Variants in CCSER1 observed in about 807,000 individuals in gnomAD.
CCSER1 encodes the protein serine-rich coiled-coil domain-containing protein 1.
In CCSER1, 41 loss-of-function variants were observed where a neutral mutation model predicts 82.0. The observed-to-expected ratio is 0.50, with a 90% CI of 0.39 to 0.65. The LOEUF is 0.65. Among genes scored for constraint, CCSER1 ranks in the 30% least tolerant of loss-of-function variants. The pLI is 0.00. For synonymous variants in CCSER1, 414 were observed against 383.9 expected (o/e 1.08, Z -0.92); for missense variants, 1,119 against 1,064.2 (o/e 1.05, Z -0.72).
At chr4:91,180,528 C>T (rs1733917974) in intron 10 of CCSER1, among the ~76,000 whole-genome samples, 1 of 152,220 alleles carries the variant, frequency 6.6e-6, no homozygotes, top group Admixed American at 6.5e-5. Context: ...CCTTCCCCAG[C>T]CTGGCTGCTG....
chr4:91,276,029 G>A (rs1189206818), intron 10 of CCSER1, among the ~76,000 whole-genome samples: 1 of 151,924 alleles, frequency 6.6e-6, no homozygotes, highest in East Asian at 1.9e-4. Flanking sequence ...TCTTGTTTTT[G>A]TACCAATACC....
At chr4:90,548,606 G>A (rs1302015190) in intron 5 of CCSER1, among the ~76,000 whole-genome samples, 4 of 151,902 alleles carry the variant, frequency 2.6e-5, no homozygotes, top group Admixed American at 1.3e-4. Flanking sequence ...CTAGTATGAC[G>A]TGTCTCCTAG....
At chr4:90,648,284 GGAAA>G (rs564907502) in intron 6 of CCSER1, among the ~76,000 whole-genome samples, 12,777 of 89,504 alleles carry the variant, frequency 0.14, 768 homozygotes, top group South Asian at 0.17. Flanking sequence ...GAGAAAGAAA[GGAAA>G]GAAAGAAAGA....
Position 91,010,829 on chromosome 4 carries a change from A to G in CCSER1, c.2173-75121A>G, listed in dbSNP as rs113438667. On this transcript the variant is annotated intron_variant, in intron 9 of 10. Coordinates refer to ENST00000509176, the MANE Select transcript of CCSER1 (RefSeq NM_001145065.2). Reference sequence around the variant, plus strand: ...GATAATGAATTGTTTTCTGGATTTCATTAAATTGTTTATCTGTACTCTCTT... The same window carrying G: ...GATAATGAATTGTTTTCTGGATTTCGTTAAATTGTTTATCTGTACTCTCTT... 2.7e-4 allele frequency among the ~76,000 whole-genome samples: 36 copies of G among 134,220 alleles called. 10 individuals carry two copies. Among genetic ancestry groups the G allele is most frequent in the Non-Finnish European group, 6.1e-4 (35 of 57,844 alleles). 88.1% of individuals were successfully genotyped at this position (134,220 alleles called of 152,430 possible). A position where few individuals can be genotyped will look rare whatever the true frequency, so the allele number is the denominator to read the frequency against.
At chr4:90,691,778 G>A (rs1187211673) in intron 6 of CCSER1, among the ~76,000 whole-genome samples, 4 of 151,464 alleles carry the variant, frequency 2.6e-5, no homozygotes, top group African/African-American at 9.7e-5. Flanking sequence ...CAGGGGTTTG[G>A]CATACGGATT....
At chr4:91,259,331 C>G (rs895532270) in intron 10 of CCSER1, among the ~76,000 whole-genome samples, 6 of 152,080 alleles carry the variant, frequency 3.9e-5, no homozygotes, top group African/African-American at 1.4e-4. Flanking sequence ...TATTTGTTCT[C>G]AAAGCATTAG....
chr4:91,511,591 A>G (rs1759828486), intron 10 of CCSER1, among the ~76,000 whole-genome samples: 1 of 152,110 alleles, frequency 6.6e-6, no homozygotes, highest in South Asian at 2.1e-4. Context: ...CATCACTCAT[A>G]TTACTGCCTG....
rs895600509 is a variant in CCSER1 at position 91,482,000 on chromosome 4, G to A, written c.2218-116572G>A. Among the ~76,000 whole-genome samples, 6 of 152,270 alleles carry A rather than the reference G, an allele frequency of 3.9e-5. 1 individual carries two copies. In the Middle Eastern group the frequency reaches 0.02, roughly 518 times the overall value. On this transcript the variant is annotated intron_variant, in intron 10 of 10. Coordinates refer to ENST00000509176, the MANE Select transcript of CCSER1 (RefSeq NM_001145065.2). ...CTTCTCAAAAGAAGACATTTATGCA[G>A]CCAGCAGACACATGAAAAAATGCTC...
chr4:91,497,510 T>C (rs1358422543), intron 10 of CCSER1, among the ~76,000 whole-genome samples: 1 of 151,850 alleles, frequency 6.6e-6, no homozygotes, highest in African/African-American at 2.4e-5. Context: ...TAACATTTCA[T>C]ATAAAAGAGC....
intron 10 of CCSER1, among the ~76,000 whole-genome samples, chr4:91,476,400 T>A (rs1757598099): frequency 6.6e-6 from 1 of 151,750 alleles, no homozygotes; most frequent in Admixed American, 6.6e-5. Flanking sequence ...ATGTTGAGCA[T>A]TTTTTCATAT....
intron 5 of CCSER1, among the ~76,000 whole-genome samples, chr4:90,540,732 G>T (rs1317511411): frequency 2.6e-5 from 4 of 152,016 alleles, no homozygotes; most frequent in Non-Finnish European, 2.9e-5. Context: ...CCAGACCTGG[G>T]TTTCAACACC....
In CCSER1 at chr4:91,420,502, G is replaced by A. The variant is rs1006113459; in HGVS notation, c.2218-178070G>A. Among the ~76,000 whole-genome samples, 5 of 151,938 alleles carry A rather than the reference G, an allele frequency of 3.3e-5. No individual in the cohort carries two copies. The East Asian group carries it at 5.8e-4, about 18-fold the overall frequency. ...AAATCACAATGAGATATTACTTCAC[G>A]TCTCTTAGAATGGCTTTTGTTAAAA... On this transcript the variant is annotated intron_variant, in intron 10 of 10. Transcript: ENST00000509176.
chr4:91,457,534 G>C, intron 10 of CCSER1, among the ~76,000 whole-genome samples: 1 of 152,140 alleles, frequency 6.6e-6, no homozygotes, highest in Non-Finnish European at 1.5e-5. Context: ...GTCATGTGTG[G>C]TGGCGCATGC....
intron 10 of CCSER1, among the ~76,000 whole-genome samples, chr4:91,576,356 C>T (rs963141050): frequency 1.3e-5 from 2 of 151,900 alleles, no homozygotes; most frequent in Admixed American, 6.6e-5. Flanking sequence ...AAGTCCAACT[C>T]ATAAAAACAG....
chr4:90,616,900 C>T (rs1030638601), intron 5 of CCSER1, among the ~76,000 whole-genome samples: 4 of 152,080 alleles, frequency 2.6e-5, no homozygotes, highest in African/African-American at 4.8e-5. Context: ...TCGAGGATTT[C>T]GCCAAGTGGC....
In CCSER1 at chr4:90,517,669, T is replaced by C. The variant is rs543100900; in HGVS notation, c.1724+49315T>C. ...TATGTAATCATGATATCATTTAAGC[T>C]AAGAGTGCATTGAGGGACTAGAAAG... On this transcript the variant is annotated intron_variant, in intron 5 of 10. Transcript: ENST00000509176. Among the ~76,000 whole-genome samples the C allele has an allele frequency of 3.0e-4, 45 of 152,236 alleles. 1 individual carries two copies. In the South Asian group the frequency reaches 9.1e-3, roughly 31 times the overall value.
Position 91,603,563 on chromosome 4 carries a change from A to G in CCSER1, c.*4506A>G, listed in dbSNP as rs1455775838. The G allele has an allele frequency of 6.6e-6, 1 of 152,078 alleles. No individual in the cohort carries two copies. The allele number at this position is 152,078 out of a possible 1,614,324, so 9.4% of individuals were successfully genotyped here. Reference sequence around the variant, plus strand: ...GAGTAAGTGATCTAGAATATGGGATACCACGGTTCTTTTTAGAGCATTTTC... The same window carrying G: ...GAGTAAGTGATCTAGAATATGGGATGCCACGGTTCTTTTTAGAGCATTTTC... On this transcript the variant is annotated 3_prime_UTR_variant, in exon 11 of 11. Transcript: ENST00000509176.
chr4:91,411,507 T>TATATATATATATATATAC (rs1553934201), intron 10 of CCSER1, among the ~76,000 whole-genome samples: 8 of 67,296 alleles, frequency 1.2e-4, no homozygotes, highest in African/African-American at 3.9e-4. Flanking sequence ...TATATATATA[T>TATATATATATATATATAC]ATATATATAT....
At chr4:90,536,495 C>T (rs1775386594) in intron 5 of CCSER1, among the ~76,000 whole-genome samples, 1 of 152,196 alleles carries the variant, frequency 6.6e-6, no homozygotes, top group African/African-American at 2.4e-5. Flanking sequence ...TTGTTTCCAT[C>T]ATCTTCTGTC....
Sources: allele counts gnomAD v4.1 joint callset (sites outside exome capture counted in the v4.1 genomes callset), GRCh38; gene constraint gnomAD v4.1.1; transcripts MANE v1.5; gene names NCBI Gene and HGNC (gene_info 2026-07-23, HGNC 2026-07-21).